Variants in GPHN observed in about 807,000 individuals in gnomAD.
GPHN encodes the protein gephyrin.
In GPHN, 17 loss-of-function variants were observed where a neutral mutation model predicts 95.5. That is an observed-to-expected ratio of 0.18 (90% CI 0.12 to 0.27). The LOEUF is 0.27. GPHN is among the 10% of genes least tolerant of loss of function. The probability of loss-of-function intolerance (pLI) is 1.00; values close to 1 mark genes in which losing one functional copy is unlikely to be tolerated. For missense variants in GPHN, 660 were observed against 978.1 expected (o/e 0.67, Z 4.34); for synonymous variants, 320 against 322.5 (o/e 0.99, Z 0.08).
chr14:67,559,767 C>G, the GPHN span: 1 of 943,854 alleles, frequency 1.1e-6, no homozygotes, highest in Non-Finnish European at 1.7e-6. Flanking sequence ...TTTCCTGCCC[C>G]CTACTGTCTA....
At chr14:67,642,312 G>A in the GPHN span, 1 of 1,614,132 alleles carries the variant, frequency 6.2e-7, no homozygotes. Flanking sequence ...GAGGTGGTTA[G>A]CAGAGCTGTG....
the GPHN span, chr14:67,685,257 T>A: frequency 2.7e-6 from 4 of 1,478,588 alleles, no homozygotes; most frequent in Non-Finnish European, 3.7e-6. Flanking sequence ...TTTTGCAGAA[T>A]AGCCCAAAAC....
chr14:67,352,637 A>C, the GPHN span: 5 of 240,328 alleles, frequency 2.1e-5, no homozygotes, highest in Non-Finnish European at 2.4e-5. Flanking sequence ...GGCAGGAGAA[A>C]GAGCTAATGA....
At chr14:67,577,538 G>T in the GPHN span, 1 of 658,096 alleles carries the variant, frequency 1.5e-6, no homozygotes, top group South Asian at 1.8e-5. Context: ...ACTTCCCAGG[G>T]TCCCTATCAC....
intron 1 of GPHN, among the ~76,000 whole-genome samples, chr14:66,670,871 T>A (rs933796604): frequency 1.3e-5 from 2 of 152,234 alleles, no homozygotes; most frequent in African/African-American, 4.8e-5. Context: ...AATTGAGAAT[T>A]GTACCTAGGT....
chr14:67,105,325 G>A (rs2077976120), intron 13 of GPHN, among the ~76,000 whole-genome samples: 1 of 152,194 alleles, frequency 6.6e-6, no homozygotes, highest in Non-Finnish European at 1.5e-5. Flanking sequence ...TGGATGAAAT[G>A]TACTTTAAAT....
the GPHN span, among the ~76,000 whole-genome samples, chr14:67,536,928 T>C: frequency 6.6e-6 from 1 of 151,486 alleles, no homozygotes; most frequent in Admixed American, 6.6e-5. Flanking sequence ...TAATCCCCGC[T>C]ACTCAGGAGG....
chr14:66,834,962 C>G (rs1277699699), intron 4 of GPHN, among the ~76,000 whole-genome samples: 3 of 142,392 alleles, frequency 2.1e-5, no homozygotes, highest in African/African-American at 7.9e-5. Flanking sequence ...AGAGATTCAA[C>G]TTCTTCCTGG....
intron 1 of GPHN, among the ~76,000 whole-genome samples, chr14:66,598,714 G>A (rs1360866756): frequency 1.3e-5 from 2 of 151,896 alleles, no homozygotes; most frequent in South Asian, 2.1e-4. Flanking sequence ...GCGTGGTGGC[G>A]CATGCGTGTA....
chr14:67,532,001 TC>T, the GPHN span, among the ~76,000 whole-genome samples: 1 of 151,932 alleles, frequency 6.6e-6, no homozygotes, highest in South Asian at 2.1e-4. Context: ...TTATGCAACT[TC>T]TGGAATGTTG....
At chr14:66,962,749 CT>C (rs939536183) in intron 8 of GPHN, among the ~76,000 whole-genome samples, 51 of 151,390 alleles carry the variant, frequency 3.4e-4, no homozygotes, top group Non-Finnish European at 2.5e-4. Context: ...CCCATATTTG[CT>C]TTTTTTTAAT....
At chr14:67,450,580 G>A in the GPHN span, among the ~76,000 whole-genome samples, 2 of 152,146 alleles carry the variant, frequency 1.3e-5, no homozygotes, top group Non-Finnish European at 2.9e-5. Context: ...AAAGAGAATG[G>A]TGGCATTTTG....
At chr14:66,840,988 TA>T (rs1462901960) in intron 4 of GPHN, among the ~76,000 whole-genome samples, 1 of 85,630 alleles carries the variant, frequency 1.2e-5, no homozygotes, top group Non-Finnish European at 2.3e-5. Flanking sequence ...TAGATATAGA[TA>T]TAGATATAGA....
At chr14:67,260,218 G>A in the GPHN span, among the ~76,000 whole-genome samples, 1 of 152,122 alleles carries the variant, frequency 6.6e-6, no homozygotes. Context: ...TTATGAATGA[G>A]GACATTCCTC....
At chr14:66,817,517 A>C (rs1044845552) in intron 3 of GPHN, among the ~76,000 whole-genome samples, 2 of 152,058 alleles carry the variant, frequency 1.3e-5, no homozygotes, top group Non-Finnish European at 2.9e-5. Context: ...TACATTAAAA[A>C]CCACCACAAA....
chr14:66,893,985 A>C (rs940277468), intron 5 of GPHN, among the ~76,000 whole-genome samples: 3 of 152,142 alleles, frequency 2.0e-5, no homozygotes, highest in Non-Finnish European at 4.4e-5. Flanking sequence ...GCTACCAATG[A>C]CTTTCTTCAC....
intron 1 of GPHN, among the ~76,000 whole-genome samples, chr14:66,531,552 T>C (rs1345815007): frequency 1.3e-5 from 2 of 152,226 alleles, no homozygotes; most frequent in Non-Finnish European, 2.9e-5. Flanking sequence ...AGATGAATAA[T>C]GCAGTCTTCC....
chr14:66,935,013 G>C (rs2067033827), intron 8 of GPHN, among the ~76,000 whole-genome samples: 2 of 152,168 alleles, frequency 1.3e-5, no homozygotes, highest in African/African-American at 2.4e-5. Context: ...CAAGAGGATA[G>C]AGGGTTGGAA....
At chr14:67,723,379 A>C in the GPHN span, among the ~76,000 whole-genome samples, 1 of 152,200 alleles carries the variant, frequency 6.6e-6, no homozygotes, top group African/African-American at 2.4e-5. Flanking sequence ...GAATATAGGC[A>C]GGTGCCACTA....
Sources: allele counts gnomAD v4.1 joint callset (sites outside exome capture counted in the v4.1 genomes callset), GRCh38; gene constraint gnomAD v4.1.1; transcripts MANE v1.5; gene names NCBI Gene and HGNC (gene_info 2026-07-23, HGNC 2026-07-21).